TMEM47: variants seen among roughly 807,000 people sequenced by gnomAD.
The protein encoded by TMEM47 is brain cell membrane protein 1.
A neutral mutation model predicts 12.4 loss-of-function variants in TMEM47; 3 were observed. The observed-to-expected ratio is 0.24, with a 90% confidence interval of 0.11 to 0.63. The LOEUF is 0.63. Ranked by LOEUF, TMEM47 falls within the 20% of genes least tolerant of loss-of-function variation. TMEM47 has a pLI of 0.86. For synonymous variants in TMEM47, 62 were observed against 63.3 expected (o/e 0.98, Z 0.10); for missense variants, 89 against 143.8 (o/e 0.62, Z 1.95).
intron 1 of TMEM47, among the ~76,000 whole-genome samples, chrX:34,648,055 A>G (rs1404654874): frequency 8.9e-6 from 1 of 111,869 alleles, no homozygotes; most frequent in East Asian, 2.8e-4. Context: ...AGAAGACATA[A>G]ACAAATGGGA....
chrX:34,649,976 C>T (rs988963068), intron 1 of TMEM47, among the ~76,000 whole-genome samples: 1 of 111,662 alleles, frequency 9.0e-6, no homozygotes, highest in South Asian at 3.8e-4. Context: ...TCACCCACCT[C>T]GGCCTCCTAA....
intron 1 of TMEM47, among the ~76,000 whole-genome samples, chrX:34,643,656 T>A (rs973870853): frequency 9.0e-6 from 1 of 111,725 alleles, no homozygotes; most frequent in Non-Finnish European, 1.9e-5. Flanking sequence ...TTTCTATAAA[T>A]AATATACCAA....
Position 34,630,138 on chromosome X carries a change from A to G in TMEM47, c.*175T>C. 2.4e-6 allele frequency: 1 copy of G among 414,400 alleles called. No homozygotes were observed. The highest frequency in any genetic ancestry group is 7.2e-5 in the South Asian group (1 of 13,924). The allele number at this position is 414,400 out of a possible 1,213,427, so 34.2% of individuals were successfully genotyped here. ...TCTCTTAATTTGTGCAGATTTCTAA[A>G]ATGGATGTAAAAGCTGGTTATGATG... is the stretch of plus-strand genomic sequence containing the variant. On this transcript the variant is annotated 3_prime_UTR_variant, in exon 3 of 3. Coordinates refer to ENST00000275954, the MANE Select transcript of TMEM47 (RefSeq NM_031442.4).
intron 2 of TMEM47, among the ~76,000 whole-genome samples, chrX:34,634,178 C>T (rs1921674718): frequency 9.0e-6 from 1 of 111,313 alleles, no homozygotes; most frequent in Admixed American, 9.6e-5. Flanking sequence ...ATTCTCTATG[C>T]TCTTCCTCAA....
At chrX:34,634,450 T>A (rs1921678128) in intron 2 of TMEM47, among the ~76,000 whole-genome samples, 1 of 106,370 alleles carries the variant, frequency 9.4e-6, no homozygotes, top group Non-Finnish European at 1.9e-5. Flanking sequence ...AGAAGGACAT[T>A]TCACTATTTT....
At chrX:34,631,359 A>T (rs1921621590) in intron 2 of TMEM47, among the ~76,000 whole-genome samples, 1 of 110,268 alleles carries the variant, frequency 9.1e-6, no homozygotes, top group Admixed American at 9.8e-5. Flanking sequence ...AACTCAGCCC[A>T]ATATGCCAGA....
rs1046173683 is a variant in TMEM47 at position 34,656,763 on chromosome X, C to A, written c.226+41G>T. The A allele has an allele frequency of 2.8e-5, 32 of 1,149,213 alleles. No individual in the cohort carries two copies. In the African/African-American group the frequency reaches 5.1e-4, roughly 18 times the overall value. The allele number at this position is 1,149,213 out of a possible 1,213,427, so 94.7% of individuals were successfully genotyped here. A position where few individuals can be genotyped will look rare whatever the true frequency, so the allele number is the denominator to read the frequency against. On this transcript the variant is annotated intron_variant, in intron 1 of 2. Coordinates refer to ENST00000275954, the MANE Select transcript of TMEM47 (RefSeq NM_031442.4). ...TCCTGGCAGTGGGGCGCGGGGCAGT[C>A]CGGGGCGGGAGGCAGGGGTCGCGGC...
chrX:34,633,141 A>AT (rs11395071), intron 2 of TMEM47, among the ~76,000 whole-genome samples: 43,405 of 110,862 alleles, frequency 0.39, 6,755 homozygotes, highest in East Asian at 0.65. Context: ...TTAAGGCATT[A>AT]TGCTATCAAA....
intron 1 of TMEM47, among the ~76,000 whole-genome samples, chrX:34,640,653 CATG>C (rs932896835): frequency 8.9e-6 from 1 of 112,109 alleles, no homozygotes; most frequent in African/African-American, 3.2e-5. Context: ...GTCCAGAAGT[CATG>C]ATATTTTGAT....
At chrX:34,644,353 C>T (rs780991755) in intron 1 of TMEM47, among the ~76,000 whole-genome samples, 4 of 112,218 alleles carry the variant, frequency 3.6e-5, no homozygotes, top group South Asian at 7.3e-4. Flanking sequence ...GGCCTGAAAT[C>T]GCCACTGCAT....
chrX:34,649,295 A>T (rs899824363), intron 1 of TMEM47, among the ~76,000 whole-genome samples: 1 of 111,924 alleles, frequency 8.9e-6, no homozygotes, highest in Non-Finnish European at 1.9e-5. Context: ...CTTGGAATCA[A>T]TTTAAATGTC....
chrX:34,633,691 G>A (rs1386163649), intron 2 of TMEM47, among the ~76,000 whole-genome samples: 2 of 111,477 alleles, frequency 1.8e-5, no homozygotes, highest in Admixed American at 1.9e-4. Flanking sequence ...CTGGAGTGAG[G>A]TGTTTACCTA....
At chrX:34,646,119 C>T (rs1284696821) in intron 1 of TMEM47, among the ~76,000 whole-genome samples, 2 of 111,226 alleles carry the variant, frequency 1.8e-5, no homozygotes, top group African/African-American at 6.5e-5. Context: ...TCCCGGTTGT[C>T]CAAAATGCCA....
intron 1 of TMEM47, among the ~76,000 whole-genome samples, chrX:34,640,048 T>C (rs888780817): frequency 2.7e-5 from 3 of 111,976 alleles, no homozygotes; most frequent in Non-Finnish European, 5.6e-5. Context: ...CATATAAAAA[T>C]CTCCAAAGTT....
chrX:34,648,711 AAGTTAAG>A (rs1407722543), intron 1 of TMEM47, among the ~76,000 whole-genome samples: 1 of 112,164 alleles, frequency 8.9e-6, no homozygotes, highest in Non-Finnish European at 1.9e-5. Context: ...GGATAAATTA[AAGTTAAG>A]AGCTTCTGCA....
intron 1 of TMEM47, among the ~76,000 whole-genome samples, chrX:34,645,357 T>C (rs1239787809): frequency 8.9e-6 from 1 of 112,234 alleles, no homozygotes; most frequent in East Asian, 2.8e-4. Flanking sequence ...TCACGAAATG[T>C]AACTAAAGAA....
At position 34,627,947 on chromosome X, in the gene TMEM47, T is replaced by C. The variant is rs750628812; in HGVS notation, c.*2366A>G. ...TATTAGTGATGGTAGAAATCTAGTGTAGGGCTCTTTGCTGAGAAGGGAAAA... is the reference window on the plus strand; with the variant it reads ...TATTAGTGATGGTAGAAATCTAGTGCAGGGCTCTTTGCTGAGAAGGGAAAA... On this transcript the variant is annotated 3_prime_UTR_variant, in exon 3 of 3. Transcript: ENST00000275954. The C allele has an allele frequency of 8.9e-6, 1 of 112,228 alleles. No homozygotes were observed. The highest frequency in any genetic ancestry group is 3.2e-5 in the African/African-American group (1 of 30,886). The allele number at this position is 112,228 out of a possible 1,213,427, so 9.2% of individuals were successfully genotyped here. A position where few individuals can be genotyped will look rare whatever the true frequency, so the allele number is the denominator to read the frequency against.
intron 1 of TMEM47, among the ~76,000 whole-genome samples, chrX:34,655,435 A>C (rs73626068): frequency 1.8e-5 from 2 of 111,746 alleles, no homozygotes; most frequent in Non-Finnish European, 3.8e-5. Flanking sequence ...CTAAATGTTG[A>C]CCTCCTGCTG....
intron 2 of TMEM47, among the ~76,000 whole-genome samples, chrX:34,635,679 C>T (rs1474777795): frequency 2.7e-5 from 3 of 111,102 alleles, no homozygotes; most frequent in Non-Finnish European, 5.7e-5. Context: ...CTCAACAAGG[C>T]AAAATAAAGG....
Sources: allele counts gnomAD v4.1 joint callset (sites outside exome capture counted in the v4.1 genomes callset), GRCh38; gene constraint gnomAD v4.1.1; transcripts MANE v1.5; gene names NCBI Gene and HGNC (gene_info 2026-07-23, HGNC 2026-07-21).